The following GRIN2A variants were observed in gnomAD, a reference collection of about 807,000 sequenced individuals.
GRIN2A encodes glutamate ionotropic receptor NMDA type subunit 2A.
GRIN2A carries 22 observed loss-of-function variants against 113.4 expected under a neutral mutation model. The ratio of observed to expected loss-of-function variants is 0.19; its 90% CI spans 0.14 to 0.28. The LOEUF (loss-of-function observed/expected upper bound fraction) is 0.28. Ranked by LOEUF, GRIN2A falls within the 10% of genes least tolerant of loss-of-function variation. The pLI, the probability that GRIN2A is intolerant of heterozygous loss-of-function variation, is 1.00. For synonymous variants in GRIN2A, 827 were observed against 738.4 expected, an observed-to-expected ratio of 1.12 and a Z score of -1.94; for missense variants, 1,502 against 1,887.0, an observed-to-expected ratio of 0.80 and a Z score of 3.78.
intron 2 of GRIN2A, among the ~76,000 whole-genome samples, chr16:10,151,847 A>G (rs186059048): frequency 1.3e-5 from 2 of 152,270 alleles, no homozygotes; most frequent in African/African-American, 4.8e-5. Flanking sequence ...AGTCACCAAA[A>G]CAGCCCAGCC....
intron 2 of GRIN2A, among the ~76,000 whole-genome samples, chr16:9,945,207 A>G (rs2044989032): frequency 6.6e-6 from 1 of 152,094 alleles, no homozygotes; most frequent in South Asian, 2.1e-4. Flanking sequence ...AAGGAAATCA[A>G]ATGATGTCAT....
chr16:10,001,624 C>A (rs568323918), intron 2 of GRIN2A, among the ~76,000 whole-genome samples: 78 of 152,298 alleles, frequency 5.1e-4, no homozygotes, highest in Non-Finnish European at 9.7e-4. Context: ...CAGAAGCCCT[C>A]CAATAAAATC....
At chr16:10,105,419 C>T (rs2048478943) in intron 2 of GRIN2A, among the ~76,000 whole-genome samples, 3 of 152,062 alleles carry the variant, frequency 2.0e-5, no homozygotes, top group Admixed American at 2.0e-4. Flanking sequence ...GCCTGGGTCT[C>T]CTGGGCAGTA....
intron 10 of GRIN2A, among the ~76,000 whole-genome samples, chr16:9,814,179 T>G (rs1458718103): frequency 6.6e-6 from 1 of 152,232 alleles, no homozygotes; most frequent in African/African-American, 2.4e-5. Context: ...CTATAATATA[T>G]GCACATATGT....
intron 2 of GRIN2A, among the ~76,000 whole-genome samples, chr16:9,952,234 G>C: frequency 6.6e-6 from 1 of 152,114 alleles, no homozygotes; most frequent in East Asian, 1.9e-4. Context: ...AGGGCACCAA[G>C]GGAATGCAGA....
intron 8 of GRIN2A, among the ~76,000 whole-genome samples, chr16:9,831,272 G>A (rs1314751591): frequency 6.6e-6 from 1 of 152,074 alleles, no homozygotes; most frequent in East Asian, 1.9e-4. Flanking sequence ...GCTGTGGGTG[G>A]TTTTTACCTT....
intron 2 of GRIN2A, among the ~76,000 whole-genome samples, chr16:9,986,243 G>T (rs934443539): frequency 6.6e-5 from 10 of 152,054 alleles, no homozygotes; most frequent in Non-Finnish European, 1.5e-4. Context: ...AGTGCTTATG[G>T]AGAAGTTGTC....
At chr16:10,138,750 G>T (rs940260752) in intron 2 of GRIN2A, among the ~76,000 whole-genome samples, 2 of 152,168 alleles carry the variant, frequency 1.3e-5, no homozygotes, top group Non-Finnish European at 2.9e-5. Context: ...AGGATTAAAT[G>T]AGATATTTAA....
At chr16:9,785,098 C>A (rs1409156103) in intron 11 of GRIN2A, among the ~76,000 whole-genome samples, 1 of 152,152 alleles carries the variant, frequency 6.6e-6, no homozygotes, top group East Asian at 1.9e-4. Context: ...GGTATATACC[C>A]AAAGGATTAT....
chr16:9,828,071 G>T (rs879396367), intron 9 of GRIN2A, among the ~76,000 whole-genome samples: 1 of 152,172 alleles, frequency 6.6e-6, no homozygotes, highest in African/African-American at 2.4e-5. Flanking sequence ...CCCTGAGGAG[G>T]TAATGTCTTC....
At chr16:10,168,359 C>G (rs1190730184) in intron 2 of GRIN2A, among the ~76,000 whole-genome samples, 2 of 152,192 alleles carry the variant, frequency 1.3e-5, no homozygotes, top group African/African-American at 4.8e-5. Context: ...CTGAATTACT[C>G]ACACACTTGG....
intron 3 of GRIN2A, among the ~76,000 whole-genome samples, chr16:9,937,503 AT>A (rs1284303161): frequency 6.6e-6 from 1 of 152,160 alleles, no homozygotes; most frequent in Non-Finnish European, 1.5e-5. Context: ...TACCCACAAA[AT>A]TTTTTTAAAT....
At chr16:9,788,099 C>G (rs909333509) in intron 11 of GRIN2A, among the ~76,000 whole-genome samples, 2 of 152,178 alleles carry the variant, frequency 1.3e-5, no homozygotes, top group African/African-American at 4.8e-5. Context: ...ATAAAACTAG[C>G]CTGCTCTGTG....
chr16:9,864,053 T>C (rs1196076282), intron 4 of GRIN2A, among the ~76,000 whole-genome samples: 1 of 152,196 alleles, frequency 6.6e-6, no homozygotes, highest in Non-Finnish European at 1.5e-5. Context: ...GTGATAACTA[T>C]TATTATTTTT....
chr16:9,977,585 C>G (rs2045800733), intron 2 of GRIN2A, among the ~76,000 whole-genome samples: 2 of 152,188 alleles, frequency 1.3e-5, no homozygotes, highest in Non-Finnish European at 2.9e-5. Context: ...CACTCCAAAG[C>G]TGAGAGTGGA....
rs558861023 is a variant in GRIN2A, at chr16:9,972,630, T to C, written c.415-34079A>G. 3.3e-5 allele frequency among the ~76,000 whole-genome samples: 5 copies of C among 152,250 alleles called. No homozygotes were observed. The East Asian group carries it at 9.6e-4, about 29-fold the overall frequency. ...TATCTGAAATAAAGAATTTACTGGA[T>C]AGAACTAACATGAGAATGAAGATGA... is the stretch of plus-strand genomic sequence containing the variant. On this transcript the variant is annotated intron_variant, in intron 2 of 12. Coordinates refer to ENST00000330684, the MANE Select transcript of GRIN2A (RefSeq NM_001134407.3).
At chr16:10,100,004 T>A (rs1446177755) in intron 2 of GRIN2A, among the ~76,000 whole-genome samples, 1 of 152,178 alleles carries the variant, frequency 6.6e-6, no homozygotes, top group African/African-American at 2.4e-5. Flanking sequence ...GAGTGCTATT[T>A]AAGTACATGA....
At chr16:9,908,529 A>G (rs2044071423) in intron 3 of GRIN2A, among the ~76,000 whole-genome samples, 1 of 152,194 alleles carries the variant, frequency 6.6e-6, no homozygotes, top group Non-Finnish European at 1.5e-5. Context: ...GAAAGAGGGA[A>G]CAAAGGAGGA....
intron 2 of GRIN2A, among the ~76,000 whole-genome samples, chr16:9,947,785 T>C (rs992415065): frequency 7.1e-6 from 1 of 141,404 alleles, no homozygotes; most frequent in Non-Finnish European, 1.6e-5. Context: ...CATTTTCTCA[T>C]TTTTTTTTTT....
Sources: gnomAD v4.1 joint callset for allele counts (sites outside exome capture counted in the v4.1 genomes callset) on GRCh38, gnomAD v4.1.1 for gene constraint, MANE v1.5 for transcripts, NCBI Gene and HGNC (gene_info 2026-07-23, HGNC 2026-07-21) for gene names.